Variants in DDX50 observed in about 807,000 individuals in gnomAD.
DDX50 encodes DExD-box helicase 50, also known as ATP-dependent RNA helicase DDX50.
In DDX50, 56 loss-of-function variants were observed where a neutral mutation model predicts 94.8. The observed-to-expected ratio is 0.59, with a 90% CI of 0.48 to 0.74. The LOEUF is 0.74. DDX50 is among the 30% of genes least tolerant of loss of function. The probability of loss-of-function intolerance (pLI) is 0.00; values close to 1 mark genes in which losing one functional copy is unlikely to be tolerated. For missense variants in DDX50, 713 were observed against 881.2 expected (o/e 0.81, Z 2.42); for synonymous variants, 264 against 295.4 (o/e 0.89, Z 1.09).
intron 7 of DDX50, among the ~76,000 whole-genome samples, chr10:68,919,575 T>A (rs1267294709): frequency 6.6e-6 from 1 of 152,214 alleles, no homozygotes; most frequent in Non-Finnish European, 1.5e-5. Context: ...AGGTTCATAT[T>A]GTTCCATGTA....
intron 2 of DDX50, among the ~76,000 whole-genome samples, chr10:68,909,719 A>T (rs1354030513): frequency 2.6e-5 from 4 of 151,502 alleles, no homozygotes; most frequent in African/African-American, 9.7e-5. Context: ...CTGGAGTGCC[A>T]TGGTGCAATC....
At chr10:68,916,244 C>T (rs1419703225) in intron 7 of DDX50, among the ~76,000 whole-genome samples, 1 of 151,138 alleles carries the variant, frequency 6.6e-6, no homozygotes, top group East Asian at 1.9e-4. Flanking sequence ...GTCCCAACTA[C>T]TCGGCAGGCT....
chr10:68,942,216 T>G (rs1323804878), intron 13 of DDX50, among the ~76,000 whole-genome samples: 1 of 152,190 alleles, frequency 6.6e-6, no homozygotes, highest in Non-Finnish European at 1.5e-5. Context: ...TGATATGAAT[T>G]AAATAAATAC....
At chr10:68,942,177 T>A (rs1488154057) in intron 13 of DDX50, among the ~76,000 whole-genome samples, 1 of 152,232 alleles carries the variant, frequency 6.6e-6, no homozygotes, top group African/African-American at 2.4e-5. Flanking sequence ...GGTTTTTAAA[T>A]GGCCTGCTCT....
chr10:68,903,617 A>G (rs1263428514), intron 1 of DDX50, among the ~76,000 whole-genome samples: 1 of 152,100 alleles, frequency 6.6e-6, no homozygotes, highest in Non-Finnish European at 1.5e-5. Flanking sequence ...CCTGGCCAAC[A>G]TGGTGAAACT....
intron 13 of DDX50, among the ~76,000 whole-genome samples, chr10:68,942,175 A>C (rs1842569191): frequency 6.6e-6 from 1 of 152,192 alleles, no homozygotes; most frequent in Admixed American, 6.5e-5. Context: ...TTGGTTTTTA[A>C]ATGGCCTGCT....
intron 8 of DDX50, among the ~76,000 whole-genome samples, chr10:68,922,624 C>G (rs1318428196): frequency 1.3e-5 from 2 of 152,006 alleles, no homozygotes; most frequent in East Asian, 3.9e-4. Flanking sequence ...AAGACCCTGT[C>G]TCTACAAAAA....
intron 14 of DDX50, 83 bp downstream of exon 14, chr10:68,943,340 A>G (rs1486217080): frequency 1.8e-6 from 2 of 1,137,216 alleles, no homozygotes; most frequent in Non-Finnish European, 2.5e-6. Context: ...CATAGTCACA[A>G]TGTCATTATC....
intron 7 of DDX50, among the ~76,000 whole-genome samples, chr10:68,917,959 T>G (rs1326275145): frequency 2.0e-5 from 3 of 151,764 alleles, no homozygotes; most frequent in Non-Finnish European, 4.4e-5. Flanking sequence ...AATTTCACTC[T>G]TGTCGCCCAG....
At chr10:68,902,181 C>G (rs1841308324) in intron 1 of DDX50, among the ~76,000 whole-genome samples, 1 of 136,380 alleles carries the variant, frequency 7.3e-6, no homozygotes, top group Non-Finnish European at 1.5e-5. Context: ...CTCCCAGCCC[C>G]CTGCCCTCCA....
Position 68,903,389 on chromosome 10 carries a change from C to T in DDX50, c.87+1918C>T, listed in dbSNP as rs535348067. ...TCTGCTAAAAATATAAAAATTGGGC[C>T]GGGCATGGTGACTCACTCCTGTAAT... On this transcript the variant is annotated intron_variant, in intron 1 of 14. Coordinates refer to ENST00000373585, the MANE Select transcript of DDX50 (RefSeq NM_024045.2). 6.0e-5 allele frequency among the ~76,000 whole-genome samples: 9 copies of T among 150,924 alleles called. No individual in the cohort carries two copies. The South Asian group carries it at 1.3e-3, about 21-fold the overall frequency.
intron 8 of DDX50, among the ~76,000 whole-genome samples, chr10:68,930,479 TCTTTC>T (rs991818810): frequency 1.7e-4 from 26 of 152,196 alleles, no homozygotes; most frequent in Non-Finnish European, 2.9e-5. Context: ...ATAATGTATC[TCTTTC>T]CTTTATACAT....
chr10:68,923,766 A>G (rs1842003763), intron 8 of DDX50, among the ~76,000 whole-genome samples: 1 of 151,538 alleles, frequency 6.6e-6, no homozygotes, highest in African/African-American at 2.4e-5. Flanking sequence ...CTGGTCTCGA[A>G]CTGCTGACCT....
intron 8 of DDX50, among the ~76,000 whole-genome samples, chr10:68,931,630 C>T (rs1443469081): frequency 6.6e-6 from 1 of 151,162 alleles, no homozygotes; most frequent in Non-Finnish European, 1.5e-5. Flanking sequence ...GACGGGGTCT[C>T]ACCATGTTGG....
At chr10:68,920,674 G>A (rs903199325) in intron 8 of DDX50, among the ~76,000 whole-genome samples, 6 of 151,688 alleles carry the variant, frequency 4.0e-5, no homozygotes, top group African/African-American at 4.8e-5. Context: ...GGCTGGGCAC[G>A]GTAGCTCATG....
intron 8 of DDX50, among the ~76,000 whole-genome samples, chr10:68,928,129 A>T (rs1264804885): frequency 6.6e-6 from 1 of 152,176 alleles, no homozygotes; most frequent in South Asian, 2.1e-4. Flanking sequence ...CAGCATGGAA[A>T]CATAGCAAGA....
intron 2 of DDX50, 114 bp downstream of exon 2, chr10:68,907,121 T>G: frequency 9.3e-7 from 1 of 1,070,064 alleles, no homozygotes; most frequent in Admixed American, 2.6e-5. Flanking sequence ...GTGTCTAGTA[T>G]TCTTAGTTGC....
Position 68,934,053 on chromosome 10 carries a change from C to CTT in DDX50, c.1240-136_1240-135dup, listed in dbSNP as rs34877781. The CTT allele has an allele frequency of 6.8e-4, 393 of 580,140 alleles. No individual in the cohort carries two copies. Among genetic ancestry groups the CTT allele is most frequent in the South Asian group, 1.8e-3 (39 of 21,672 alleles). The allele number at this position is 580,140 out of a possible 1,614,324, so 35.9% of individuals were successfully genotyped here. On this transcript the variant is annotated intron_variant, in intron 8 of 14. Transcript: ENST00000373585. The surrounding 1 kb of genome is among the most constrained non-coding windows in gnomAD (Gnocchi z 4.0). ...GTTAAATATTTTCTGTCATGTTTGA[C>CTT]TTTTTTTTTTTACAGTAAGCATGCA...
intron 11 of DDX50, among the ~76,000 whole-genome samples, chr10:68,936,412 C>T (rs1842408118): frequency 7.4e-6 from 1 of 134,426 alleles, no homozygotes; most frequent in African/African-American, 2.8e-5. Context: ...TGGTGTGAAC[C>T]TGGGGGGCGG....
Sources: gnomAD v4.1 joint callset for allele counts (sites outside exome capture counted in the v4.1 genomes callset) on GRCh38, gnomAD v4.1.1 for gene constraint, Gnocchi (gnomAD v3.1) non-coding constraint, MANE v1.5 for transcripts, NCBI Gene and HGNC (gene_info 2026-07-23, HGNC 2026-07-21) for gene names.